Variants in NELL2 observed in about 807,000 individuals in gnomAD.
NELL2 encodes the protein protein kinase C-binding protein NELL2.
A neutral mutation model predicts 109.6 loss-of-function variants in NELL2; 41 were observed. The observed-to-expected ratio is 0.37, with a 90% confidence interval of 0.29 to 0.49. NELL2 has a LOEUF of 0.49. NELL2 is among the 20% of genes least tolerant of loss of function. The pLI, the probability that NELL2 is intolerant of heterozygous loss-of-function variation, is 0.98. For synonymous variants in NELL2, 355 were observed against 344.7 expected (o/e 1.03, Z -0.33); for missense variants, 900 against 1,008.3 (o/e 0.89, Z 1.45).
chr12:44,655,843 T>C (rs1947480369), intron 13 of NELL2, among the ~76,000 whole-genome samples: 1 of 152,232 alleles, frequency 6.6e-6, no homozygotes, highest in Non-Finnish European at 1.5e-5. Context: ...GAATGAGGCA[T>C]CATTTAGCTT....
chr12:44,723,015 C>T lies in NELL2; in HGVS notation c.995-8274G>A, dbSNP rs527765665. 4.3e-4 allele frequency among the ~76,000 whole-genome samples: 66 copies of T among 152,058 alleles called. 1 individual carries two copies. In the South Asian group the frequency reaches 0.012, roughly 28 times the overall value. ...CATCCTGGCTAACACGGTGAAACCCCGTCTCTACTAAAAATACAAAAAAAT... is the reference window on the plus strand; with the variant it reads ...CATCCTGGCTAACACGGTGAAACCCTGTCTCTACTAAAAATACAAAAAAAT... On this transcript the variant is annotated intron_variant, in intron 9 of 19. Transcript: ENST00000429094.
chr12:44,749,237 C>A (rs2136522494), intron 9 of NELL2, among the ~76,000 whole-genome samples: 1 of 152,252 alleles, frequency 6.6e-6, no homozygotes, highest in Admixed American at 6.5e-5. Flanking sequence ...GTCAGTACAG[C>A]AGGAACTACT....
At chr12:44,519,456 G>T (rs1372167125) in intron 19 of NELL2, among the ~76,000 whole-genome samples, 1 of 152,132 alleles carries the variant, frequency 6.6e-6, no homozygotes, top group Non-Finnish European at 1.5e-5. Flanking sequence ...CTTTGTAATG[G>T]TTTTTCTCCA....
intron 10 of NELL2, 37 bp from the exon 11 acceptor site, chr12:44,711,431 T>A: frequency 6.5e-7 from 1 of 1,527,552 alleles, no homozygotes; most frequent in South Asian, 1.1e-5. Context: ...TCAAATTTTA[T>A]CATTAGGACT....
intron 9 of NELL2, among the ~76,000 whole-genome samples, chr12:44,731,325 A>T (rs1431693898): frequency 6.6e-6 from 1 of 152,108 alleles, no homozygotes; most frequent in East Asian, 1.9e-4. Flanking sequence ...ATCCCAGAGA[A>T]ATACACATGC....
At chr12:44,773,450 T>A (rs572487479) in intron 9 of NELL2, among the ~76,000 whole-genome samples, 2 of 151,802 alleles carry the variant, frequency 1.3e-5, no homozygotes, top group East Asian at 3.9e-4. Flanking sequence ...CACTCCAGCC[T>A]GGGCGACAGA....
At chr12:44,562,987 T>TA (rs1401133046) in intron 15 of NELL2, among the ~76,000 whole-genome samples, 11 of 152,132 alleles carry the variant, frequency 7.2e-5, no homozygotes, top group African/African-American at 2.2e-4. Context: ...TACGCAGCCA[T>TA]AAAAAAGGAT....
intron 13 of NELL2, among the ~76,000 whole-genome samples, chr12:44,635,630 T>C (rs1372911744): frequency 6.6e-6 from 1 of 152,176 alleles, no homozygotes; most frequent in African/African-American, 2.4e-5. Flanking sequence ...TCTGTTCTGT[T>C]CCATTGATCT....
chr12:44,509,055 G>A, intron 19 of NELL2, 71 bp from the exon 20 acceptor site: 2 of 1,252,950 alleles, frequency 1.6e-6, no homozygotes, highest in Non-Finnish European at 2.3e-6. Flanking sequence ...CACATTTATT[G>A]ATTGGTACTT....
chr12:44,899,902 A>T (rs1945640130), intron 1 of NELL2, among the ~76,000 whole-genome samples: 1 of 152,218 alleles, frequency 6.6e-6, no homozygotes, highest in Admixed American at 6.5e-5. Flanking sequence ...GCTCAAAATA[A>T]AGGAATGGAG....
At chr12:44,585,495 A>C (rs1226609211) in intron 15 of NELL2, among the ~76,000 whole-genome samples, 1 of 152,068 alleles carries the variant, frequency 6.6e-6, no homozygotes, top group Admixed American at 6.6e-5. Flanking sequence ...CCAGCTACTC[A>C]GGAGGCTGAG....
At position 44,523,816 on chromosome 12, in the gene NELL2, C is replaced by A. The variant is rs1358486394; in HGVS notation, c.1805-332G>T. Among the ~76,000 whole-genome samples the A allele has an allele frequency of 2.0e-5, 3 of 152,200 alleles. No individual in the cohort carries two copies. The East Asian group carries it at 5.8e-4, about 29-fold the overall frequency. On this transcript the variant is annotated intron_variant, in intron 16 of 19. Coordinates refer to ENST00000429094, the MANE Select transcript of NELL2 (RefSeq NM_001145108.2). ...AATTTACCAAACAAAAACAGTTTAG[C>A]AGTGGAAATTCTAAAAGTGCCTATG...
chr12:44,906,840 C>T lies in NELL2; in HGVS notation c.38+6959G>A, dbSNP rs573604348. Reference sequence around the variant, plus strand: ...GATTGAGATTTAAAGGAAAGAAACACATAAGAAATATGTATCTGGGACTCA... The same window carrying T: ...GATTGAGATTTAAAGGAAAGAAACATATAAGAAATATGTATCTGGGACTCA... On this transcript the variant is annotated intron_variant, in intron 1 of 20. Transcript: ENST00000333837. 7.2e-5 allele frequency among the ~76,000 whole-genome samples: 11 copies of T among 152,128 alleles called. No homozygotes were observed. The East Asian group carries it at 2.1e-3, about 29-fold the overall frequency.
At chr12:44,738,236 T>C (rs949129815) in intron 9 of NELL2, among the ~76,000 whole-genome samples, 5 of 152,088 alleles carry the variant, frequency 3.3e-5, no homozygotes, top group African/African-American at 7.2e-5. Context: ...AGTGCCTCAA[T>C]CACAAGTGTT....
rs565876912 is a variant in NELL2, at chr12:44,515,592, A to G, written c.2400+4413T>C. 3.3e-5 allele frequency among the ~76,000 whole-genome samples: 5 copies of G among 152,088 alleles called. No individual in the cohort carries two copies. In the East Asian group the frequency reaches 9.6e-4, roughly 29 times the overall value. Reference sequence around the variant, plus strand: ...TGATTTATCAAACTCATCAAACTATATACTTAACTGTGAATTTCACTATAA... The same window carrying G: ...TGATTTATCAAACTCATCAAACTATGTACTTAACTGTGAATTTCACTATAA... On this transcript the variant is annotated intron_variant, in intron 19 of 19. Transcript: ENST00000429094.
At chr12:44,561,994 A>G (rs753860994) in intron 15 of NELL2, among the ~76,000 whole-genome samples, 1 of 152,194 alleles carries the variant, frequency 6.6e-6, no homozygotes, top group Non-Finnish European at 1.5e-5. Flanking sequence ...GGAACAGAAC[A>G]GAGGCCTCAG....
intron 1 of NELL2, among the ~76,000 whole-genome samples, chr12:44,909,540 A>G (rs546831895): frequency 6.6e-6 from 1 of 152,200 alleles, no homozygotes; most frequent in African/African-American, 2.4e-5. Flanking sequence ...ATTCAATGCT[A>G]TTCATATCAA....
rs766813502 is a variant in NELL2 at position 44,619,737 on chromosome 12, AACGTAT to A, written c.1445-8773_1445-8768del. ...TTACCTGTCAAGCACTGTGCTAAGT[AACGTAT>A]ACATGCAGCATAAGGAAGTACTAAG... On this transcript the variant is annotated intron_variant, in intron 13 of 19. Coordinates refer to ENST00000429094, the MANE Select transcript of NELL2 (RefSeq NM_001145108.2). Among the ~76,000 whole-genome samples the A allele has an allele frequency of 8.0e-4, 122 of 152,298 alleles. 2 individuals carry two copies. The highest frequency in any genetic ancestry group is 6.8e-3 in the Middle Eastern group (2 of 294).
intron 1 of NELL2, chr12:44,881,883 A>G (rs71459272): frequency 0.075 from 11,343 of 152,044 alleles, 561 homozygotes; most frequent in Admixed American, 0.12. Context: ...AGAAGAAAAA[A>G]TCCTAAAAGC....
Sources: allele counts gnomAD v4.1 joint callset (sites outside exome capture counted in the v4.1 genomes callset), GRCh38; gene constraint gnomAD v4.1.1; transcripts MANE v1.5; gene names NCBI Gene and HGNC (gene_info 2026-07-23, HGNC 2026-07-21).